The following NEMP2 variants were observed in gnomAD, a reference collection of about 807,000 sequenced individuals.
NEMP2 encodes UPF0571 transmembrane protein.
NEMP2 carries 53 observed loss-of-function variants against 54.2 expected under a neutral mutation model. That is an observed-to-expected ratio of 0.98 (90% CI 0.78 to 1.23). The LOEUF (loss-of-function observed/expected upper bound fraction) is 1.23, where lower values mean the gene tolerates loss of function less well. NEMP2 is among the 50% of genes most tolerant of loss of function. NEMP2 has a pLI of 0.00. For synonymous variants in NEMP2, 197 were observed against 190.3 expected, an observed-to-expected ratio of 1.04 and a Z score of -0.29; for missense variants, 455 against 511.3, an observed-to-expected ratio of 0.89 and a Z score of 1.06.
Position 190,525,628 on chromosome 2 carries a change from A to G in NEMP2, c.98-250T>C, listed in dbSNP as rs1261213021. Reference sequence around the variant, plus strand: ...AGCACAGAGAACAAGTACTTCTTCAATTCTGAAGCAGAAGGCAGAATTATG... The same window carrying G: ...AGCACAGAGAACAAGTACTTCTTCAGTTCTGAAGCAGAAGGCAGAATTATG... On this transcript the variant is annotated intron_variant, in intron 1 of 8. Transcript: ENST00000409150. The surrounding 1 kb of genome is among the most constrained non-coding windows in gnomAD (Gnocchi z 5.0). Among the ~76,000 whole-genome samples, 5 of 152,162 alleles carry G rather than the reference A, an allele frequency of 3.3e-5. No individual in the cohort carries two copies. Among genetic ancestry groups the G allele is most frequent in the African/African-American group, 1.2e-4 (5 of 41,426 alleles).
At chr2:190,605,074 C>T in the NEMP2 span, among the ~76,000 whole-genome samples, 3 of 152,280 alleles carry the variant, frequency 2.0e-5, no homozygotes, top group South Asian at 4.2e-4. Context: ...ATACAGTGCA[C>T]GTCTACCCCT....
At chr2:190,426,751 T>C in the NEMP2 span, among the ~76,000 whole-genome samples, 1 of 152,210 alleles carries the variant, frequency 6.6e-6, no homozygotes, top group Non-Finnish European at 1.5e-5. This position sits in a 1 kb window ranked among gnomAD's most constrained non-coding sequence, Gnocchi z 4.7. Flanking sequence ...TCCATTCAGT[T>C]TGAGATCTTC....
chr2:190,518,816 A>T lies in NEMP2; in HGVS notation c.446-8T>A, dbSNP rs748886078. Reference sequence around the variant, plus strand: ...AGAGTTTGAAATCCATGACTGGAGTAAAAAAGACACACAAACACATAACAA... The same window carrying T: ...AGAGTTTGAAATCCATGACTGGAGTTAAAAAGACACACAAACACATAACAA... On this transcript the variant is annotated splice_region_variant and splice_polypyrimidine_tract_variant and intron_variant, in intron 3 of 8. Transcript: ENST00000409150. 3 of 1,539,148 alleles carry T rather than the reference A, an allele frequency of 1.9e-6. No homozygotes were observed. The East Asian group carries it at 7.3e-5, about 38-fold the overall frequency.
chr2:190,501,907 G>A (rs1253300830), downstream of NEMP2: 2 of 152,594 alleles, frequency 1.3e-5, no homozygotes, highest in African/African-American at 4.8e-5. Flanking sequence ...TGGGTGACAG[G>A]CTTAACCTCA....
chr2:190,487,903 A>T, the NEMP2 span, among the ~76,000 whole-genome samples: 1 of 151,476 alleles, frequency 6.6e-6, no homozygotes, highest in Non-Finnish European at 1.5e-5. The surrounding 1 kb of genome is among the most constrained non-coding windows in gnomAD (Gnocchi z 5.5). Flanking sequence ...AGTCAAAATA[A>T]TTTTTTTTTC....
chr2:190,441,052 A>G, the NEMP2 span, among the ~76,000 whole-genome samples: 11 of 152,168 alleles, frequency 7.2e-5, no homozygotes, highest in African/African-American at 2.4e-4. Context: ...CGGGTGTTCA[A>G]TGTGAGCTGG....
downstream of NEMP2, chr2:190,500,265 C>T (rs544205749): frequency 1.2e-6 from 2 of 1,605,130 alleles, no homozygotes; most frequent in Non-Finnish European, 1.7e-6. The surrounding 1 kb of genome is among the most constrained non-coding windows in gnomAD (Gnocchi z 5.3). Flanking sequence ...GGCTCCTCAG[C>T]CAGGACACAG....
At chr2:190,640,919 T>C in the NEMP2 span, 1 of 151,522 alleles carries the variant, frequency 6.6e-6, no homozygotes, top group Non-Finnish European at 1.5e-5. Context: ...TTTGAACCCA[T>C]TCTGCTTTTC....
chr2:190,447,645 C>T, the NEMP2 span, among the ~76,000 whole-genome samples: 1 of 152,174 alleles, frequency 6.6e-6, no homozygotes, highest in Non-Finnish European at 1.5e-5. The surrounding 1 kb of genome is among the most constrained non-coding windows in gnomAD (Gnocchi z 4.5). Flanking sequence ...ATTATAATTG[C>T]AGCTATTATT....
chr2:190,577,317 T>C, the NEMP2 span, among the ~76,000 whole-genome samples: 1 of 152,200 alleles, frequency 6.6e-6, no homozygotes, highest in Non-Finnish European at 1.5e-5. The surrounding 1 kb of genome is among the most constrained non-coding windows in gnomAD (Gnocchi z 4.8). Flanking sequence ...CCCATTGGTA[T>C]CTTTTTTTAG....
At chr2:190,499,437 G>C (rs1000895573), downstream of NEMP2, among the ~76,000 whole-genome samples, 2 of 152,126 alleles carry the variant, frequency 1.3e-5, no homozygotes, top group African/African-American at 2.4e-5. The surrounding 1 kb of genome is among the most constrained non-coding windows in gnomAD (Gnocchi z 6.0). Flanking sequence ...TTTACAGTTG[G>C]TTACACAAGT....
the NEMP2 span, chr2:190,497,675 CA>C: frequency 6.2e-7 from 1 of 1,614,142 alleles, no homozygotes; most frequent in Non-Finnish European, 8.5e-7. The surrounding 1 kb of genome is among the most constrained non-coding windows in gnomAD (Gnocchi z 5.2). Context: ...AGAGATGATG[CA>C]ACTCACAAGA....
the NEMP2 span, among the ~76,000 whole-genome samples, chr2:190,447,354 C>T: frequency 6.6e-6 from 1 of 152,134 alleles, no homozygotes; most frequent in Non-Finnish European, 1.5e-5. This position sits in a 1 kb window ranked among gnomAD's most constrained non-coding sequence, Gnocchi z 4.5. Flanking sequence ...GAGTCCATCA[C>T]CAGTGGATTT....
Position 190,504,905 on chromosome 2 carries a change from T to C in NEMP2, c.*4284A>G, listed in dbSNP as rs1302666130. ...GAAATTAGACATTTCAAAATATGTA[T>C]GGCAAGTTGACATTGTCATGACATG... On this transcript the variant is annotated 3_prime_UTR_variant, in exon 9 of 9. Transcript: ENST00000409150. This position sits in a 1 kb window ranked among gnomAD's most constrained non-coding sequence, Gnocchi z 5.6. 6.6e-6 allele frequency: 1 copy of C among 152,256 alleles called. No homozygotes were observed. The highest frequency in any genetic ancestry group is 1.5e-5 in the Non-Finnish European group (1 of 68,044). 9.4% of individuals were successfully genotyped at this position (152,256 alleles called of 1,614,324 possible).
chr2:190,632,884 C>T, the NEMP2 span, among the ~76,000 whole-genome samples: 1 of 152,148 alleles, frequency 6.6e-6, no homozygotes, highest in Non-Finnish European at 1.5e-5. This position sits in a 1 kb window ranked among gnomAD's most constrained non-coding sequence, Gnocchi z 4.8. Flanking sequence ...TTCATAATCC[C>T]ATCCACAGAT....
the NEMP2 span, among the ~76,000 whole-genome samples, chr2:190,456,999 C>T: frequency 6.6e-6 from 1 of 152,156 alleles, no homozygotes; most frequent in Non-Finnish European, 1.5e-5. The surrounding 1 kb of genome is among the most constrained non-coding windows in gnomAD (Gnocchi z 5.4). Context: ...CCAACATAAA[C>T]GTTCATCCAG....
chr2:190,577,533 A>G, the NEMP2 span, among the ~76,000 whole-genome samples: 2 of 152,194 alleles, frequency 1.3e-5, no homozygotes, highest in Non-Finnish European at 2.9e-5. This position sits in a 1 kb window ranked among gnomAD's most constrained non-coding sequence, Gnocchi z 4.8. Context: ...AGGAATAACA[A>G]GAAAGCTGGG....
chr2:190,624,842 T>C, the NEMP2 span: 2 of 152,320 alleles, frequency 1.3e-5, no homozygotes, highest in South Asian at 4.1e-4. Flanking sequence ...GGTTGGTTAG[T>C]AATCACATGA....
At chr2:190,569,766 G>A in the NEMP2 span, among the ~76,000 whole-genome samples, 1 of 152,212 alleles carries the variant, frequency 6.6e-6, no homozygotes, top group African/African-American at 2.4e-5. Flanking sequence ...TGTGAAATAA[G>A]AAATTACCTC....
Sources: gnomAD v4.1 joint callset for allele counts (sites outside exome capture counted in the v4.1 genomes callset) on GRCh38, gnomAD v4.1.1 for gene constraint, Gnocchi (gnomAD v3.1) non-coding constraint, MANE v1.5 for transcripts, NCBI Gene and HGNC (gene_info 2026-07-23, HGNC 2026-07-21) for gene names.